The following GALNTL6 variants were observed in gnomAD, a reference collection of about 807,000 sequenced individuals.
GALNTL6 encodes the protein polypeptide N-acetylgalactosaminyltransferase like 6.
In GALNTL6, 46 loss-of-function variants were observed where a neutral mutation model predicts 73.7. The observed-to-expected ratio is 0.62, with a 90% CI of 0.49 to 0.80. The LOEUF is 0.80. Among genes scored for constraint, GALNTL6 ranks in the 30% least tolerant of loss-of-function variants. The pLI, the probability that GALNTL6 is intolerant of heterozygous loss-of-function variation, is 0.00. For synonymous variants in GALNTL6, 259 were observed against 263.7 expected (o/e 0.98, Z 0.17); for missense variants, 604 against 755.0 (o/e 0.80, Z 2.34).
chr4:172,416,266 A>G (rs970995696), intron 5 of GALNTL6, among the ~76,000 whole-genome samples: 2 of 152,230 alleles, frequency 1.3e-5, no homozygotes, highest in African/African-American at 2.4e-5. Context: ...ATTTTAAATC[A>G]GGAAAAGAAA....
intron 5 of GALNTL6, among the ~76,000 whole-genome samples, chr4:172,637,203 A>G (rs191824843): frequency 4.1e-4 from 63 of 152,292 alleles, no homozygotes; most frequent in Non-Finnish European, 5.3e-4. Context: ...TTGGGTAAGG[A>G]TAAAAAATTA....
chr4:172,682,057 G>A (rs1254510609), intron 5 of GALNTL6, among the ~76,000 whole-genome samples: 1 of 152,132 alleles, frequency 6.6e-6, no homozygotes, highest in Non-Finnish European at 1.5e-5. Context: ...TAAAGTTTGT[G>A]TGACCACGGG....
rs114370093 is a variant in GALNTL6, at chr4:172,485,810, A to G, written c.553+137121A>G. 8.4e-3 allele frequency among the ~76,000 whole-genome samples: 1,277 copies of G among 152,312 alleles called. 11 individuals are homozygous for G. Among genetic ancestry groups the G allele is most frequent in the African/African-American group, 0.029 (1,208 of 41,568 alleles). ...ACTATAATATACACTATTATAATTT[A>G]CTTTCATGTGAGAAATGGTTCTAAA... On this transcript the variant is annotated intron_variant, in intron 5 of 12. Transcript: ENST00000506823.
intron 5 of GALNTL6, among the ~76,000 whole-genome samples, chr4:172,748,422 T>C (rs1432591068): frequency 1.3e-5 from 2 of 151,986 alleles, no homozygotes; most frequent in Non-Finnish European, 2.9e-5. Flanking sequence ...GGAGATAACA[T>C]GCAAACTCAC....
rs181444001 is a variant in GALNTL6 at position 171,895,177 on chromosome 4, G to A, written c.138+80459G>A. ...TAAAATCTGGACACAATATCTTGAA[G>A]CAGCTACTAGAATTAAAAATATTAA... On this transcript the variant is annotated intron_variant, in intron 2 of 12. Transcript: ENST00000506823. Among the ~76,000 whole-genome samples the A allele has an allele frequency of 5.1e-3, 784 of 152,302 alleles. 4 individuals carry two copies. The highest frequency in any genetic ancestry group is 6.2e-3 in the Non-Finnish European group (422 of 68,032).
In GALNTL6 at chr4:172,005,012, C is replaced by T. The variant is rs1215811509; in HGVS notation, c.138+190294C>T. Among the ~76,000 whole-genome samples the T allele has an allele frequency of 3.3e-5, 5 of 152,070 alleles. No individual in the cohort carries two copies. The East Asian group carries it at 9.6e-4, about 29-fold the overall frequency. ...CTTTGAATAAGTTTTTCATAAAATA[C>T]TGTGCCTTGTTACGTGATATGCCAA... On this transcript the variant is annotated intron_variant, in intron 2 of 12. Transcript: ENST00000506823.
intron 8 of GALNTL6, among the ~76,000 whole-genome samples, chr4:172,907,231 A>T (rs1051010733): frequency 6.6e-6 from 1 of 152,172 alleles, no homozygotes; most frequent in African/African-American, 2.4e-5. Context: ...CTAAAATCAG[A>T]AAAGAAAGAA....
At chr4:172,698,141 A>G (rs1420942206) in intron 5 of GALNTL6, among the ~76,000 whole-genome samples, 6 of 151,954 alleles carry the variant, frequency 3.9e-5, no homozygotes, top group Non-Finnish European at 7.4e-5. Context: ...TGTCTTCTCT[A>G]TACTTGAGAA....
intron 2 of GALNTL6, among the ~76,000 whole-genome samples, chr4:171,930,650 C>T (rs1738153272): frequency 6.6e-6 from 1 of 152,008 alleles, no homozygotes; most frequent in Non-Finnish European, 1.5e-5. Context: ...GCCTGGCAAA[C>T]ATAGTAAAAC....
At chr4:172,495,587 T>C (rs1389216112) in intron 5 of GALNTL6, among the ~76,000 whole-genome samples, 1 of 152,196 alleles carries the variant, frequency 6.6e-6, no homozygotes, top group African/African-American at 2.4e-5. Context: ...TCCAGCACTC[T>C]ATATACTATA....
At chr4:171,852,338 T>C (rs1228689859) in intron 2 of GALNTL6, among the ~76,000 whole-genome samples, 1 of 152,206 alleles carries the variant, frequency 6.6e-6, no homozygotes, top group Non-Finnish European at 1.5e-5. Context: ...ATTCTGAAGC[T>C]GTGACCACAG....
chr4:172,129,302 A>G (rs1424969035), intron 2 of GALNTL6, among the ~76,000 whole-genome samples: 1 of 152,224 alleles, frequency 6.6e-6, no homozygotes, highest in Non-Finnish European at 1.5e-5. Flanking sequence ...TGTTAACTGT[A>G]TAGTTGGTTG....
At chr4:172,023,841 T>C (rs1307012505) in intron 2 of GALNTL6, among the ~76,000 whole-genome samples, 2 of 151,874 alleles carry the variant, frequency 1.3e-5, no homozygotes, top group African/African-American at 4.8e-5. Context: ...ATAATACAAA[T>C]ACATTTATGG....
At chr4:172,525,886 G>C (rs547765161) in intron 5 of GALNTL6, among the ~76,000 whole-genome samples, 14 of 152,108 alleles carry the variant, frequency 9.2e-5, no homozygotes, top group Non-Finnish European at 1.6e-4. Flanking sequence ...TAAACAGAAT[G>C]ATGGATTGTT....
intron 5 of GALNTL6, among the ~76,000 whole-genome samples, chr4:172,644,096 T>C (rs564907367): frequency 6.6e-6 from 1 of 152,062 alleles, no homozygotes; most frequent in East Asian, 1.9e-4. Flanking sequence ...GTATGTGTAA[T>C]GGTATCATAT....
chr4:172,370,579 C>T (rs1021863466), intron 5 of GALNTL6, among the ~76,000 whole-genome samples: 3 of 134,688 alleles, frequency 2.2e-5, no homozygotes, highest in African/African-American at 8.9e-5. Context: ...TGCAGTGAGT[C>T]GAGATCACGC....
At chr4:172,469,967 T>C (rs1732984532) in intron 5 of GALNTL6, among the ~76,000 whole-genome samples, 1 of 152,134 alleles carries the variant, frequency 6.6e-6, no homozygotes, top group Non-Finnish European at 1.5e-5. Context: ...TGAAGAAATG[T>C]AGCACAGCTG....
At chr4:172,867,402 C>T (rs1318899033) in intron 7 of GALNTL6, among the ~76,000 whole-genome samples, 3 of 152,112 alleles carry the variant, frequency 2.0e-5, no homozygotes, top group African/African-American at 7.2e-5. Flanking sequence ...AGTCAGAAAA[C>T]CGAAGAGGGC....
At chr4:172,662,841 C>G (rs1428684474) in intron 5 of GALNTL6, among the ~76,000 whole-genome samples, 1 of 152,110 alleles carries the variant, frequency 6.6e-6, no homozygotes, top group Non-Finnish European at 1.5e-5. Context: ...ATGAAACAGA[C>G]TGGAGAGATT....
Sources: allele counts gnomAD v4.1 joint callset (sites outside exome capture counted in the v4.1 genomes callset), GRCh38; gene constraint gnomAD v4.1.1; transcripts MANE v1.5; gene names NCBI Gene and HGNC (gene_info 2026-07-23, HGNC 2026-07-21).